The following SHISA9 variants were observed in gnomAD, a reference collection of about 807,000 sequenced individuals.
SHISA9 encodes shisa family member 9, also known as protein shisa-9.
A neutral mutation model predicts 38.0 loss-of-function variants in SHISA9; 13 were observed. The ratio of observed to expected loss-of-function variants is 0.34; its 90% confidence interval spans 0.22 to 0.54. SHISA9 has a LOEUF of 0.54. Among genes scored for constraint, SHISA9 ranks in the 20% least tolerant of loss-of-function variants. The probability of loss-of-function intolerance (pLI) is 0.91; values close to 1 mark genes in which losing one functional copy is unlikely to be tolerated. For missense variants in SHISA9, 538 were observed against 575.8 expected (o/e 0.93, Z 0.67); for synonymous variants, 275 against 242.0 (o/e 1.14, Z -1.27).
the SHISA9 span, among the ~76,000 whole-genome samples, chr16:13,394,129 C>A: frequency 6.6e-6 from 1 of 152,182 alleles, no homozygotes; most frequent in Non-Finnish European, 1.5e-5. Context: ...TTTCCACTCA[C>A]CTTCTTGCAT....
intron 2 of SHISA9, among the ~76,000 whole-genome samples, chr16:13,130,658 A>G (rs976301668): frequency 6.6e-6 from 1 of 152,170 alleles, no homozygotes; most frequent in African/African-American, 2.4e-5. Flanking sequence ...AATGAAATAC[A>G]TCTACACTAG....
chr16:13,393,230 G>A, the SHISA9 span, among the ~76,000 whole-genome samples: 1 of 152,184 alleles, frequency 6.6e-6, no homozygotes, highest in Admixed American at 6.5e-5. Context: ...AGCTCCACGG[G>A]TGTGTGACCT....
intron 2 of SHISA9, among the ~76,000 whole-genome samples, chr16:13,176,539 T>C (rs867777115): frequency 1.3e-5 from 2 of 152,184 alleles, no homozygotes; most frequent in Admixed American, 6.5e-5. Context: ...CAAGTGCCAC[T>C]CACAGACACT....
At chr16:13,183,369 CTT>C (rs2050793659) in intron 2 of SHISA9, among the ~76,000 whole-genome samples, 1 of 152,274 alleles carries the variant, frequency 6.6e-6, no homozygotes, top group South Asian at 2.1e-4. Flanking sequence ...ACCTTGAACA[CTT>C]TCACTGCAAA....
chr16:13,468,779 C>A, the SHISA9 span, among the ~76,000 whole-genome samples: 4 of 150,214 alleles, frequency 2.7e-5, no homozygotes, highest in African/African-American at 7.3e-5. Flanking sequence ...GAGTTTGAGA[C>A]CAGCCTGAGA....
chr16:13,043,848 G>A (rs1160217171), intron 2 of SHISA9, among the ~76,000 whole-genome samples: 1 of 152,198 alleles, frequency 6.6e-6, no homozygotes, highest in Non-Finnish European at 1.5e-5. Flanking sequence ...ATCTCTCCCA[G>A]TGGATCTATT....
intron 2 of SHISA9, among the ~76,000 whole-genome samples, chr16:13,051,551 T>C (rs750051247): frequency 2.0e-5 from 3 of 152,212 alleles, no homozygotes; most frequent in Non-Finnish European, 2.9e-5. Flanking sequence ...TCCACTTGCC[T>C]TCATTTTTTA....
Position 13,055,054 on chromosome 16 carries a change from T to G in SHISA9, c.691+138239T>G, listed in dbSNP as rs578125455. 1.5e-4 allele frequency among the ~76,000 whole-genome samples: 23 copies of G among 152,362 alleles called. No homozygotes were observed. The East Asian group carries it at 4.4e-3, about 29-fold the overall frequency. ...CCAAGTTTATATGTATGCATATCAT[T>G]ATTAAATTAATAGGCCTTCTCCTAA... On this transcript the variant is annotated intron_variant, in intron 2 of 4. Coordinates refer to ENST00000558583, the MANE Select transcript of SHISA9 (RefSeq NM_001145204.3).
the SHISA9 span, among the ~76,000 whole-genome samples, chr16:13,481,624 T>C: frequency 6.6e-6 from 1 of 152,226 alleles, no homozygotes; most frequent in African/African-American, 2.4e-5. Flanking sequence ...TGTCTACCAC[T>C]GTGTCCTCAG....
chr16:13,359,082 A>G, the SHISA9 span, among the ~76,000 whole-genome samples: 1 of 69,698 alleles, frequency 1.4e-5, no homozygotes, highest in Admixed American at 1.5e-4. Flanking sequence ...GTTGGACTTC[A>G]ACTGAAGAAG....
chr16:13,365,989 G>C, the SHISA9 span, among the ~76,000 whole-genome samples: 1 of 152,152 alleles, frequency 6.6e-6, no homozygotes, highest in South Asian at 2.1e-4. Flanking sequence ...GAAAATAAAA[G>C]CTCTGCTGAA....
At chr16:13,194,982 A>G (rs564751261) in intron 2 of SHISA9, among the ~76,000 whole-genome samples, 69 of 152,356 alleles carry the variant, frequency 4.5e-4, no homozygotes, top group Middle Eastern at 3.4e-3. Flanking sequence ...TGGAGACATC[A>G]GGATGACTTC....
At chr16:13,264,507 G>A in the SHISA9 span, among the ~76,000 whole-genome samples, 4 of 152,030 alleles carry the variant, frequency 2.6e-5, no homozygotes, top group African/African-American at 4.8e-5. Flanking sequence ...AACCAGGGGC[G>A]GAGTTTCTTT....
At chr16:13,181,865 G>T (rs1341400136) in intron 2 of SHISA9, among the ~76,000 whole-genome samples, 1 of 152,122 alleles carries the variant, frequency 6.6e-6, no homozygotes, top group African/African-American at 2.4e-5. Flanking sequence ...GGCAGGAAGG[G>T]ATTCAAGATT....
At chr16:13,140,645 C>T (rs2050394409) in intron 2 of SHISA9, among the ~76,000 whole-genome samples, 1 of 152,212 alleles carries the variant, frequency 6.6e-6, no homozygotes, top group African/African-American at 2.4e-5. Flanking sequence ...AGACACTATC[C>T]TTGCCTTCAG....
At chr16:13,199,327 C>T (rs2142050222) in intron 2 of SHISA9, among the ~76,000 whole-genome samples, 1 of 152,290 alleles carries the variant, frequency 6.6e-6, no homozygotes, top group South Asian at 2.1e-4. Context: ...ACGCTCTATG[C>T]ACGAGTCAGC....
At chr16:13,201,231 G>A (rs113864115) in intron 2 of SHISA9, among the ~76,000 whole-genome samples, 2,819 of 134,428 alleles carry the variant, frequency 0.021, 710 homozygotes, top group African/African-American at 0.079. Context: ...ATGGGGATTT[G>A]GTTTCAGGAC....
At chr16:13,468,952 C>A in the SHISA9 span, among the ~76,000 whole-genome samples, 39,087 of 150,270 alleles carry the variant, frequency 0.26, 5,200 homozygotes, top group South Asian at 0.31. Flanking sequence ...ACAACAACAA[C>A]AAAAAAGAGG....
At chr16:13,373,274 C>A in the SHISA9 span, among the ~76,000 whole-genome samples, 1 of 152,174 alleles carries the variant, frequency 6.6e-6, no homozygotes, top group African/African-American at 2.4e-5. Context: ...TAAAACATAG[C>A]TCCTTGTTGC....
Sources: gnomAD v4.1 joint callset for allele counts (sites outside exome capture counted in the v4.1 genomes callset) on GRCh38, gnomAD v4.1.1 for gene constraint, MANE v1.5 for transcripts, NCBI Gene and HGNC (gene_info 2026-07-23, HGNC 2026-07-21) for gene names.